The following CENPO variants were observed in gnomAD, a reference collection of about 807,000 sequenced individuals.
CENPO encodes centromeric protein O.
CENPO carries 30 observed loss-of-function variants against 36.1 expected under a neutral mutation model. The observed-to-expected ratio is 0.83, with a 90% CI of 0.62 to 1.13. The LOEUF is 1.13. Ranked by LOEUF, CENPO falls within the 50% of genes most tolerant of loss-of-function variation. The probability of loss-of-function intolerance (pLI) is 0.00; values close to 1 mark genes in which losing one functional copy is unlikely to be tolerated. For synonymous variants in CENPO, 171 were observed against 142.3 expected (o/e 1.20, Z -1.44); for missense variants, 349 against 357.8 (o/e 0.98, Z 0.20).
intron 3 of CENPO, among the ~76,000 whole-genome samples, chr2:24,802,313 CT>C (rs1666197454): frequency 6.6e-6 from 1 of 151,986 alleles, no homozygotes; most frequent in Admixed American, 6.6e-5. Context: ...ATTGAATACC[CT>C]TTATTTCCTT....
intron 3 of CENPO, among the ~76,000 whole-genome samples, chr2:24,808,567 T>TGATATTAA (rs1666533054): frequency 6.6e-6 from 1 of 152,188 alleles, no homozygotes; most frequent in Non-Finnish European, 1.5e-5. Flanking sequence ...CATGATATTA[T>TGATATTAA]GATATTAAAT....
In CENPO at chr2:24,821,987, G is replaced by A. The variant is rs567716165; in HGVS notation, c.*2669G>A. ...TCAACTAGGTGATAAGCACTGGAGG[G>A]GGATGACCCGCCTTGGACGTGTTTC... On this transcript the variant is annotated 3_prime_UTR_variant, in exon 8 of 8. Coordinates refer to ENST00000380834, the MANE Select transcript of CENPO (RefSeq NM_001322101.2). 2.2e-4 allele frequency: 58 copies of A among 258,998 alleles called. No individual in the cohort carries two copies. In the South Asian group the frequency reaches 3.7e-3, roughly 17 times the overall value. The allele number at this position is 258,998 out of a possible 1,614,324, so 16.0% of individuals were successfully genotyped here.
Position 24,804,708 on chromosome 2 carries a change from A to G in CENPO, c.216+4864A>G, listed in dbSNP as rs531361733. Among the ~76,000 whole-genome samples the G allele has an allele frequency of 2.4e-3, 366 of 152,310 alleles. 3 individuals carry two copies. The highest frequency in any genetic ancestry group is 8.0e-3 in the African/African-American group (334 of 41,560). ...TGCCGAGAGATCAGCTGTTAGTCTGATGGGCTTCCCTTTGTGGGTAGCCCG... is the reference window on the plus strand; with the variant it reads ...TGCCGAGAGATCAGCTGTTAGTCTGGTGGGCTTCCCTTTGTGGGTAGCCCG... On this transcript the variant is annotated intron_variant, in intron 3 of 7. Coordinates refer to ENST00000380834, the MANE Select transcript of CENPO (RefSeq NM_001322101.2).
intron 3 of CENPO, among the ~76,000 whole-genome samples, chr2:24,810,504 G>GTTTT (rs35287429): frequency 1.8e-5 from 2 of 114,102 alleles, no homozygotes; most frequent in Non-Finnish European, 3.6e-5. Flanking sequence ...GCAGGTTAAG[G>GTTTT]TTTTTTTTTT....
intron 5 of CENPO, 94 bp from the exon 6 acceptor site, chr2:24,816,552 G>T (rs1666945250): frequency 2.5e-6 from 2 of 790,484 alleles, no homozygotes; most frequent in South Asian, 2.3e-5. Flanking sequence ...TAATCGATGG[G>T]CCTCTTTTTG....
intron 3 of CENPO, among the ~76,000 whole-genome samples, chr2:24,809,090 T>C (rs1240981031): frequency 6.6e-6 from 1 of 152,212 alleles, no homozygotes; most frequent in Non-Finnish European, 1.5e-5. Flanking sequence ...CATTTTGCAG[T>C]TTGTTCATTT....
intron 4 of CENPO, 120 bp downstream of exon 4, chr2:24,814,613 T>G: frequency 1.5e-6 from 1 of 649,026 alleles, no homozygotes; most frequent in Non-Finnish European, 2.8e-6. Flanking sequence ...CCCTCTGCCC[T>G]CATCACTCAC....
chr2:24,814,219 C>T (rs768639034), intron 3 of CENPO, among the ~76,000 whole-genome samples, 157 bp from the exon 4 acceptor site: 19 of 152,240 alleles, frequency 1.2e-4, no homozygotes, highest in Admixed American at 2.6e-4. Flanking sequence ...GATTCTTCCT[C>T]TGCAGTGAAT....
chr2:24,821,932 GT>G lies in CENPO; in HGVS notation c.*2618del, dbSNP rs1354572598. The G allele has an allele frequency of 8.6e-6, 3 of 348,996 alleles. No homozygotes were observed. Among genetic ancestry groups the G allele is most frequent in the Admixed American group, 8.8e-5 (2 of 22,658 alleles). 21.6% of individuals were successfully genotyped at this position (348,996 alleles called of 1,614,324 possible). On this transcript the variant is annotated 3_prime_UTR_variant, in exon 8 of 8. Coordinates refer to ENST00000380834, the MANE Select transcript of CENPO (RefSeq NM_001322101.2). The stretch of plus-strand genomic sequence containing the variant: ...GGCTGGGCCTGGTCCTGGTCCTTAG[GT>G]TTTGTCAGGTTGTCCTTGTTTGGAT...
In CENPO at chr2:24,817,827, G is replaced by T. The variant is rs558701390; in HGVS notation, c.*21G>T. Reference sequence around the variant, plus strand: ...CCTAATAGATTGTTTTCACTGCACTGGGAGCACATCAGAGGTAAGTAACCA... The same window carrying T: ...CCTAATAGATTGTTTTCACTGCACTTGGAGCACATCAGAGGTAAGTAACCA... On this transcript the variant is annotated 3_prime_UTR_variant, in exon 7 of 8. Transcript: ENST00000380834. 1 of 1,613,912 alleles carries T rather than the reference G, an allele frequency of 6.2e-7. No individual in the cohort carries two copies. Among genetic ancestry groups the T allele is most frequent in the Admixed American group, 1.7e-5 (1 of 60,024 alleles).
intron 3 of CENPO, among the ~76,000 whole-genome samples, chr2:24,811,299 T>TTTTTTTTTTTTG (rs1666672731): frequency 7.1e-6 from 1 of 141,196 alleles, no homozygotes; most frequent in African/African-American, 2.5e-5. Context: ...TTTTTTTTTT[T>TTTTTTTTTTTTG]GAGACGGAGC....
In CENPO at chr2:24,817,681, T is replaced by C. The variant is rs1667021204; in HGVS notation, c.778T>C (p.Leu260=). ...VTVTCQGVEV[L]STSWEEQRAS... is the part of the protein sequence containing the mutation. ...ATCTTTCTTTTTAGGAGTGGAAGTATTATCCACTTCATGGGAGGAGCAACG... is the reference window on the plus strand; with the variant it reads ...ATCTTTCTTTTTAGGAGTGGAAGTACTATCCACTTCATGGGAGGAGCAACG... The change falls in exon 7 of 8, where the codon TTA becomes CTA. Residue 260 remains leucine (L), a synonymous_variant. Coordinates refer to ENST00000380834, the MANE Select transcript of CENPO (RefSeq NM_001322101.2). 1.9e-6 allele frequency: 3 copies of C among 1,614,174 alleles called. No individual in the cohort carries two copies. Among genetic ancestry groups the C allele is most frequent in the South Asian group, 1.1e-5 (1 of 91,082 alleles).
chr2:24,820,662 A>C lies in CENPO; in HGVS notation c.*1344A>C. On this transcript the variant is annotated 3_prime_UTR_variant, in exon 8 of 8. Transcript: ENST00000380834. ...GGGAGGCAGGGGCACGTGGGAAAGC[A>C]CTGTTCCGGTTTTGTTCTCATGCCG... is the stretch of plus-strand genomic sequence containing the variant. The C allele has an allele frequency of 1.9e-6, 3 of 1,604,458 alleles. No individual in the cohort carries two copies. The highest frequency in any genetic ancestry group is 2.6e-6 in the Non-Finnish European group (3 of 1,173,960).
Position 24,820,125 on chromosome 2 carries a change from AG to A in CENPO, c.*812del. The A allele has an allele frequency of 1.7e-6, 2 of 1,207,042 alleles. No homozygotes were observed. The highest frequency in any genetic ancestry group is 2.1e-6 in the Non-Finnish European group (2 of 935,426). The allele number at this position is 1,207,042 out of a possible 1,614,324, so 74.8% of individuals were successfully genotyped here. Reference sequence around the variant, plus strand: ...GGTTTCTTCTACCACCTGGAGAGGGAGGGGGAGCAAGAACGTGGCGTTACGG... The same window carrying A: ...GGTTTCTTCTACCACCTGGAGAGGGAGGGGAGCAAGAACGTGGCGTTACGG... On this transcript the variant is annotated 3_prime_UTR_variant, in exon 8 of 8. Coordinates refer to ENST00000380834, the MANE Select transcript of CENPO (RefSeq NM_001322101.2).
At chr2:24,806,177 C>T (rs945821022) in intron 3 of CENPO, among the ~76,000 whole-genome samples, 5 of 152,218 alleles carry the variant, frequency 3.3e-5, no homozygotes, top group African/African-American at 4.8e-5. Context: ...TGGAAAAGCG[C>T]AGTATTGGGG....
chr2:24,820,792 C>G lies in CENPO; in HGVS notation c.*1474C>G. On this transcript the variant is annotated 3_prime_UTR_variant, in exon 8 of 8. Transcript: ENST00000380834. ...ACATTGACTGTATTGCCCCAGATGT[C>G]GTAGTGTGGTTTCCGGGCTCCGATG... 6.2e-7 allele frequency: 1 copy of G among 1,614,090 alleles called. No homozygotes were observed. The highest frequency in any genetic ancestry group is 1.7e-5 in the Admixed American group (1 of 60,022).
chr2:24,794,078 T>C, intron 2 of CENPO, 113 bp downstream of exon 2: 2 of 830,976 alleles, frequency 2.4e-6, no homozygotes, highest in South Asian at 2.7e-5. Context: ...GGGAGCAGAA[T>C]AGTGAAAGGA....
intron 3 of CENPO, among the ~76,000 whole-genome samples, chr2:24,809,548 T>C (rs1284139643): frequency 6.6e-6 from 1 of 152,094 alleles, no homozygotes; most frequent in African/African-American, 2.4e-5. Flanking sequence ...GTATTTTTTC[T>C]TTTTTGTTTT....
intron 4 of CENPO, 27 bp from the exon 5 acceptor site, chr2:24,815,470 A>C (rs765600312): frequency 6.2e-7 from 1 of 1,609,336 alleles, no homozygotes; most frequent in Non-Finnish European, 8.5e-7. Context: ...CCTGCTGTCT[A>C]TTGAGGTGTC....
Sources: gnomAD v4.1 joint callset for allele counts (sites outside exome capture counted in the v4.1 genomes callset) on GRCh38, gnomAD v4.1.1 for gene constraint, MANE v1.5 for transcripts, NCBI Gene and HGNC (gene_info 2026-07-23, HGNC 2026-07-21) for gene names.